SP4: variants seen among roughly 807,000 people sequenced by gnomAD.
SP4 encodes transcription factor Sp4.
A neutral mutation model predicts 72.8 loss-of-function variants in SP4; 19 were observed. The observed-to-expected ratio is 0.26, with a 90% CI of 0.18 to 0.38. SP4 has a LOEUF of 0.38. SP4 is among the 10% of genes least tolerant of loss of function. SP4 has a pLI of 1.00. For missense variants in SP4, 1,008 were observed against 926.3 expected, an observed-to-expected ratio of 1.09 and a Z score of -1.14; for synonymous variants, 395 against 333.1, an observed-to-expected ratio of 1.19 and a Z score of -2.02.
At chr7:21,461,548 C>G (rs972347212) in intron 3 of SP4, among the ~76,000 whole-genome samples, 1 of 152,284 alleles carries the variant, frequency 6.6e-6, no homozygotes, top group East Asian at 1.9e-4. Flanking sequence ...GTGCAGGGCC[C>G]GCCAAGCCCA....
intron 4 of SP4, among the ~76,000 whole-genome samples, chr7:21,478,406 C>T (rs1784579043): frequency 6.6e-6 from 1 of 152,126 alleles, no homozygotes; most frequent in African/African-American, 2.4e-5. Flanking sequence ...ATTTTTGGGT[C>T]ATATTGTAAT....
Position 21,430,112 on chromosome 7 carries a change from A to C in SP4, c.947A>C (p.Glu316Ala), listed in dbSNP as rs778816891. ...ACTACTTCTGCCAGTACTATGCCAGAATCTCCCTCCTCCTCCACTACCTGC... is the reference window on the plus strand; with the variant it reads ...ACTACTTCTGCCAGTACTATGCCAGCATCTCCCTCCTCCTCCACTACCTGC... Reference protein sequence around the residue: ...NTTTSASTMPESPSSSTTCTT... With the variant: ...NTTTSASTMPASPSSSTTCTT... Residue 316 changes from glutamate (E) to alanine (A), a missense_variant, in exon 3 of 6, where the codon GAA becomes GCA. By Grantham distance (107) the Glu-to-Ala change is moderately radical. Transcript: ENST00000222584. 3 of 1,614,032 alleles carry C rather than the reference A, an allele frequency of 1.9e-6. No homozygotes were observed. Among genetic ancestry groups the C allele is most frequent in the Non-Finnish European group, 2.5e-6 (3 of 1,180,028 alleles).
intron 5 of SP4, among the ~76,000 whole-genome samples, chr7:21,508,362 G>C (rs62441764): frequency 0.41 from 62,226 of 152,028 alleles, 13,751 homozygotes; most frequent in East Asian, 0.85. Context: ...ACCCGGGGCA[G>C]TTACAGCAGG....
At chr7:21,438,890 T>C (rs1330931872) in intron 3 of SP4, among the ~76,000 whole-genome samples, 1 of 152,214 alleles carries the variant, frequency 6.6e-6, no homozygotes, top group Non-Finnish European at 1.5e-5. Flanking sequence ...CTTTACATAT[T>C]TATGGCCTGA....
intron 3 of SP4, among the ~76,000 whole-genome samples, chr7:21,453,329 T>C (rs1236892883): frequency 6.6e-6 from 1 of 152,192 alleles, no homozygotes; most frequent in Non-Finnish European, 1.5e-5. Flanking sequence ...AGCCTATCAG[T>C]AATTATAAAA....
At chr7:21,428,338 C>G (rs1280144005) in intron 1 of SP4, 80 bp downstream of exon 1, 5 of 744,682 alleles carry the variant, frequency 6.7e-6, no homozygotes, top group Non-Finnish European at 2.4e-6. Context: ...CGGTTCTCCC[C>G]CCTCCCCCGG....
At chr7:21,436,011 G>T (rs1783040268) in intron 3 of SP4, among the ~76,000 whole-genome samples, 1 of 152,046 alleles carries the variant, frequency 6.6e-6, no homozygotes, top group Non-Finnish European at 1.5e-5. Context: ...TGATTCTCCG[G>T]CCTCAGCTCC....
chr7:21,466,290 T>C (rs1009852500), intron 3 of SP4, among the ~76,000 whole-genome samples: 2 of 152,202 alleles, frequency 1.3e-5, no homozygotes, highest in Non-Finnish European at 2.9e-5. Flanking sequence ...TAAGTCCACA[T>C]CCAAAGTGCT....
At chr7:21,481,172 T>C (rs1266829408) in intron 4 of SP4, among the ~76,000 whole-genome samples, 1 of 152,184 alleles carries the variant, frequency 6.6e-6, no homozygotes, top group Non-Finnish European at 1.5e-5. Flanking sequence ...GGCTAAGGAC[T>C]TGGTTCTGCT....
chr7:21,435,518 GT>G (rs1312268903), intron 3 of SP4, among the ~76,000 whole-genome samples: 2 of 152,040 alleles, frequency 1.3e-5, no homozygotes, highest in African/African-American at 4.8e-5. Context: ...TTGGCTTGAG[GT>G]TTAATGCAAA....
chr7:21,455,005 C>T (rs73265627), intron 3 of SP4, among the ~76,000 whole-genome samples: 2,709 of 152,284 alleles, frequency 0.018, 69 homozygotes, highest in African/African-American at 0.062. Context: ...TTTTTACTTG[C>T]CACATCTAGA....
In SP4 at chr7:21,429,475, C is replaced by T. The variant is rs758001230; in HGVS notation, c.310C>T (p.Leu104Phe). The change falls in exon 3 of 6, where the codon CTT becomes TTT. Residue 104 changes from leucine to phenylalanine, a missense_variant. Leu to Phe is a conservative substitution (Grantham distance 22). This residue lies in a region of SP4 where 893 missense variants were observed against 743.3 expected (regional missense o/e 1.20). Coordinates refer to ENST00000222584, the MANE Select transcript of SP4 (RefSeq NM_003112.5). ...TTQLAGNAWQ[L>F]VASTPPASKE... ...GCAACTTGCTGGAAACGCTTGGCAA[C>T]TTGTTGCCTCCACTCCTCCTGCTTC... is the stretch of plus-strand genomic sequence containing the variant. 5 of 1,614,124 alleles carry T rather than the reference C, an allele frequency of 3.1e-6. No homozygotes were observed. The East Asian group carries it at 8.9e-5, about 29-fold the overall frequency.
At chr7:21,506,941 G>A (rs1351260329) in intron 5 of SP4, among the ~76,000 whole-genome samples, 1 of 152,140 alleles carries the variant, frequency 6.6e-6, no homozygotes, top group East Asian at 1.9e-4. Flanking sequence ...CGCAGTCCCT[G>A]GGATCATTAT....
intron 3 of SP4, among the ~76,000 whole-genome samples, chr7:21,467,742 G>A (rs1784212457): frequency 6.6e-6 from 1 of 152,034 alleles, no homozygotes; most frequent in East Asian, 1.9e-4. Flanking sequence ...GTCAATCTAG[G>A]TAGGCTCAGT....
chr7:21,506,814 A>C (rs1410244115), intron 5 of SP4, among the ~76,000 whole-genome samples: 1 of 152,182 alleles, frequency 6.6e-6, no homozygotes, highest in African/African-American at 2.4e-5. Flanking sequence ...CTGAGCCTAT[A>C]TAGGAATGCA....
chr7:21,445,089 A>G (rs1277022257), intron 3 of SP4, among the ~76,000 whole-genome samples: 3 of 152,324 alleles, frequency 2.0e-5, no homozygotes, highest in African/African-American at 7.2e-5. Flanking sequence ...ATATTTGTGT[A>G]TCACAAACTA....
chr7:21,480,186 T>C (rs1047794860), intron 4 of SP4, among the ~76,000 whole-genome samples: 1 of 152,200 alleles, frequency 6.6e-6, no homozygotes, highest in Non-Finnish European at 1.5e-5. Flanking sequence ...TGAGGATTTT[T>C]GCATCCATAT....
In SP4 at chr7:21,429,484, T is replaced by A. The variant is rs746541972; in HGVS notation, c.319T>A (p.Ser107Thr). 9.9e-6 allele frequency: 16 copies of A among 1,614,082 alleles called. No homozygotes were observed. In the East Asian group the frequency reaches 3.3e-4, roughly 34 times the overall value. The change falls in exon 3 of 6, where the codon TCC (serine) becomes ACC (threonine). Residue 107 changes from serine (S) to threonine (T), a missense_variant. Physicochemically the swap from Ser to Thr is moderately conservative, Grantham distance 58. Around this residue, in one of 3 missense-constraint regions of SP4, gnomAD observed 893 missense variants for 743.3 expected, o/e 1.20. Transcript: ENST00000222584. ...TGGAAACGCTTGGCAACTTGTTGCC[T>A]CCACTCCTCCTGCTTCAAAAGAGAA... ...LAGNAWQLVA[S>T]TPPASKENNV... is the part of the protein sequence containing the mutation.
In SP4 at chr7:21,514,725, A is replaced by G. The variant is rs1436215581; in HGVS notation, c.*3456A>G. 1 of 152,202 alleles carries G rather than the reference A, an allele frequency of 6.6e-6. No homozygotes were observed. 9.4% of individuals were successfully genotyped at this position (152,202 alleles called of 1,614,324 possible). A position where few individuals can be genotyped will look rare whatever the true frequency, so the allele number is the denominator to read the frequency against. On this transcript the variant is annotated 3_prime_UTR_variant, in exon 6 of 6. Transcript: ENST00000222584. ...GTACAAGTTGTTGCCTGCAATAACA[A>G]TTGCAAGTAACCTATTAAAAATTCC... is the stretch of plus-strand genomic sequence containing the variant.
Sources: allele counts gnomAD v4.1 joint callset (sites outside exome capture counted in the v4.1 genomes callset), GRCh38; gene constraint gnomAD v4.1.1; regional missense constraint gnomAD v4.1.1; transcripts MANE v1.5; gene names NCBI Gene and HGNC (gene_info 2026-07-23, HGNC 2026-07-21).